Variants in LINGO2 observed in about 807,000 individuals in gnomAD.
LINGO2 encodes leucine-rich repeat and immunoglobulin-like domain-containing nogo receptor-interacting protein 2.
Under a neutral mutation model 30.6 loss-of-function variants are expected in LINGO2, and 14 were observed. The observed-to-expected ratio is 0.46, with a 90% confidence interval of 0.30 to 0.72. The LOEUF is 0.72. LINGO2 is among the 30% of genes least tolerant of loss of function. The probability of loss-of-function intolerance (pLI) is 0.07; values close to 1 mark genes in which losing one functional copy is unlikely to be tolerated. For missense variants in LINGO2, 729 were observed against 751.7 expected, an observed-to-expected ratio of 0.97 and a Z score of 0.35; for synonymous variants, 317 against 288.5, an observed-to-expected ratio of 1.10 and a Z score of -1.00.
the LINGO2 span, among the ~76,000 whole-genome samples, chr9:28,981,288 C>T: frequency 7.2e-5 from 11 of 152,220 alleles, no homozygotes; most frequent in African/African-American, 2.6e-4. Flanking sequence ...CTGGCAGAGT[C>T]TGATCTCAGA....
chr9:27,963,925 A>G (rs1023987146), intron 5 of LINGO2, among the ~76,000 whole-genome samples: 4 of 152,122 alleles, frequency 2.6e-5, no homozygotes, highest in African/African-American at 9.7e-5. Context: ...TTTTAGTATG[A>G]GCAAGTCTGG....
intron 4 of LINGO2, among the ~76,000 whole-genome samples, chr9:28,199,343 TC>T (rs61134118): frequency 0.082 from 10,516 of 128,446 alleles, 732 homozygotes; most frequent in East Asian, 0.21. Flanking sequence ...TTCTTCTTCT[TC>T]TTTTTTTTTT....
chr9:27,970,479 A>G (rs991578281), intron 5 of LINGO2, among the ~76,000 whole-genome samples: 1 of 146,912 alleles, frequency 6.8e-6, no homozygotes, highest in Non-Finnish European at 1.5e-5. Context: ...TTTGAGCTGG[A>G]ATTGAGCAGA....
chr9:28,692,998 G>A, the LINGO2 span, among the ~76,000 whole-genome samples: 9 of 151,786 alleles, frequency 5.9e-5, no homozygotes, highest in African/African-American at 1.7e-4. Flanking sequence ...TTTTGATGAC[G>A]AGAATTCCTA....
At chr9:28,511,075 CAAATGTT>C (rs918633099) in intron 1 of LINGO2, among the ~76,000 whole-genome samples, 3 of 151,968 alleles carry the variant, frequency 2.0e-5, no homozygotes, top group African/African-American at 7.2e-5. Flanking sequence ...CCCACCGATT[CAAATGTT>C]AATCTCCTTT....
chr9:28,835,093 A>C, the LINGO2 span, among the ~76,000 whole-genome samples: 3 of 152,182 alleles, frequency 2.0e-5, no homozygotes, highest in Non-Finnish European at 4.4e-5. Context: ...CTCCATGAGG[A>C]AGGAGGTGCT....
At chr9:28,715,268 G>C in the LINGO2 span, among the ~76,000 whole-genome samples, 1 of 152,086 alleles carries the variant, frequency 6.6e-6, no homozygotes, top group African/African-American at 2.4e-5. Context: ...TTTCTGTGTA[G>C]ACTGTAAAAT....
At chr9:28,142,358 G>A (rs1293516949) in intron 4 of LINGO2, among the ~76,000 whole-genome samples, 1 of 151,966 alleles carries the variant, frequency 6.6e-6, no homozygotes, top group Non-Finnish European at 1.5e-5. Flanking sequence ...ATTAGTAAAG[G>A]ATTTTGTTAC....
rs940366690 is a variant in LINGO2, at chr9:28,086,287, C to T, written c.-86-73882G>A. 1.1e-4 allele frequency among the ~76,000 whole-genome samples: 16 copies of T among 152,002 alleles called. No individual in the cohort carries two copies. In the South Asian group the frequency reaches 1.5e-3, roughly 14 times the overall value. ...CACTATATTCAAAATGAAAAGATGA[C>T]GCTGATTCAGATTTAAAAAATGATA... On this transcript the variant is annotated intron_variant, in intron 4 of 5. Coordinates refer to ENST00000379992, the Ensembl canonical transcript of LINGO2.
intron 1 of LINGO2, among the ~76,000 whole-genome samples, chr9:28,664,469 G>C (rs1276362429): frequency 6.6e-6 from 1 of 151,998 alleles, no homozygotes; most frequent in Non-Finnish European, 1.5e-5. Flanking sequence ...ATGCCTTCAA[G>C]GGAAAAATAG....
intron 1 of LINGO2, among the ~76,000 whole-genome samples, chr9:28,598,431 A>C (rs139249922): frequency 0.013 from 1,622 of 125,562 alleles, 36 homozygotes; most frequent in African/African-American, 0.039. Flanking sequence ...AAAAAAAAAA[A>C]AAACAAAACA....
At chr9:28,498,616 A>G (rs894233763) in intron 1 of LINGO2, among the ~76,000 whole-genome samples, 1 of 152,042 alleles carries the variant, frequency 6.6e-6, no homozygotes, top group Admixed American at 6.6e-5. Context: ...GGGTAAGGCT[A>G]TGCCTCGTCC....
intron 4 of LINGO2, among the ~76,000 whole-genome samples, chr9:28,076,372 G>C (rs1825622745): frequency 6.6e-6 from 1 of 152,024 alleles, no homozygotes; most frequent in Non-Finnish European, 1.5e-5. Context: ...AAGTTAATCA[G>C]TGTCTTTAAC....
At chr9:29,008,085 C>G in the LINGO2 span, among the ~76,000 whole-genome samples, 297 of 152,224 alleles carry the variant, frequency 2.0e-3, 2 homozygotes, top group Non-Finnish European at 3.2e-3. Context: ...TCTCCCCTAA[C>G]CCCACGACAG....
chr9:28,479,561 T>C (rs1419313959), intron 1 of LINGO2, among the ~76,000 whole-genome samples: 1 of 151,870 alleles, frequency 6.6e-6, no homozygotes, highest in East Asian at 1.9e-4. Context: ...TTTTAATCAA[T>C]TTTGAAAGAA....
chr9:28,397,161 T>C (rs546016341), intron 2 of LINGO2, among the ~76,000 whole-genome samples: 6 of 152,206 alleles, frequency 3.9e-5, no homozygotes, highest in African/African-American at 1.4e-4. Flanking sequence ...TCACTTGGCA[T>C]GTAATGAGTC....
At chr9:28,772,093 C>T in the LINGO2 span, among the ~76,000 whole-genome samples, 12,868 of 152,050 alleles carry the variant, frequency 0.085, 697 homozygotes, top group East Asian at 0.3. Context: ...TATTTTTCCC[C>T]GAACATCTAG....
chr9:28,879,705 C>T, the LINGO2 span, among the ~76,000 whole-genome samples: 2 of 152,180 alleles, frequency 1.3e-5, no homozygotes, highest in African/African-American at 4.8e-5. Context: ...CCAGAGCTAA[C>T]ATGCTAAGTA....
chr9:28,805,719 G>A, the LINGO2 span, among the ~76,000 whole-genome samples: 2 of 152,086 alleles, frequency 1.3e-5, no homozygotes, highest in South Asian at 4.1e-4. Flanking sequence ...TGTCTGGAAG[G>A]AATTGTTGTC....
Sources: allele counts gnomAD v4.1 joint callset (sites outside exome capture counted in the v4.1 genomes callset), GRCh38; gene constraint gnomAD v4.1.1; transcripts MANE v1.5; gene names NCBI Gene and HGNC (gene_info 2026-07-23, HGNC 2026-07-21).